The following TMEM39B variants were observed in gnomAD, a reference collection of about 807,000 sequenced individuals.
TMEM39B encodes the protein transmembrane protein 39B.
A neutral mutation model predicts 52.2 loss-of-function variants in TMEM39B; 23 were observed. That is an observed-to-expected ratio of 0.44 (90% CI 0.32 to 0.62). The LOEUF is 0.62. Among genes scored for constraint, TMEM39B ranks in the 20% least tolerant of loss-of-function variants. The probability of loss-of-function intolerance (pLI) is 0.06; values close to 1 mark genes in which losing one functional copy is unlikely to be tolerated. For synonymous variants in TMEM39B, 285 were observed against 264.0 expected (o/e 1.08, Z -0.77); for missense variants, 547 against 642.0 (o/e 0.85, Z 1.60).
intron 1 of TMEM39B, among the ~76,000 whole-genome samples, chr1:32,074,054 G>T (rs1639753035): frequency 6.6e-6 from 1 of 152,092 alleles, no homozygotes; most frequent in East Asian, 1.9e-4. Context: ...CAGTCAGGTT[G>T]TGACTTTTTT....
chr1:32,093,351 G>A lies in TMEM39B; in HGVS notation c.927+1340G>A, dbSNP rs569573777. Among the ~76,000 whole-genome samples, 579 of 145,342 alleles carry A rather than the reference G, an allele frequency of 4.0e-3. 2 individuals carry two copies. Among genetic ancestry groups the A allele is most frequent in the Admixed American group, 6.6e-3 (93 of 14,196 alleles). On this transcript the variant is annotated intron_variant, in intron 6 of 8. Coordinates refer to ENST00000336294, the MANE Select transcript of TMEM39B (RefSeq NM_018056.4). ...TGACCTCAGGTGATCCACCCACCTC[G>A]GCCTCCCAAAGTGCAGGAATTATAG...
intron 5 of TMEM39B, among the ~76,000 whole-genome samples, chr1:32,086,779 A>AG (rs1491302923): frequency 6.6e-6 from 1 of 151,206 alleles, no homozygotes; most frequent in African/African-American, 2.4e-5. Flanking sequence ...AAAAAAAAAA[A>AG]GAGAGAGAAA....
chr1:32,086,135 C>A (rs142391479), intron 5 of TMEM39B, among the ~76,000 whole-genome samples: 1 of 152,066 alleles, frequency 6.6e-6, no homozygotes, highest in Non-Finnish European at 1.5e-5. Context: ...AGAAAAGAAT[C>A]CTTCAGGGTG....
intron 5 of TMEM39B, among the ~76,000 whole-genome samples, chr1:32,085,002 T>G (rs1184032716): frequency 6.6e-6 from 1 of 152,230 alleles, no homozygotes; most frequent in African/African-American, 2.4e-5. Flanking sequence ...TATAGATGAC[T>G]TGTATTTTCC....
At chr1:32,084,704 G>T (rs541001852) in intron 5 of TMEM39B, among the ~76,000 whole-genome samples, 1 of 151,956 alleles carries the variant, frequency 6.6e-6, no homozygotes, top group South Asian at 2.1e-4. Context: ...TGAGTAGCTG[G>T]GATTACAGGC....
At chr1:32,100,163 C>T (rs1640964246) in intron 7 of TMEM39B, among the ~76,000 whole-genome samples, 1 of 152,058 alleles carries the variant, frequency 6.6e-6, no homozygotes, top group Non-Finnish European at 1.5e-5. Flanking sequence ...GAGGTGAGAC[C>T]AGATGAAGCA....
At position 32,083,986 on chromosome 1, in the gene TMEM39B, G is replaced by GACACACACACACAC. The variant is rs779224876; in HGVS notation, c.590+6675_590+6676insCACACACACACACA. Among the ~76,000 whole-genome samples, 779 of 151,516 alleles carry GACACACACACACAC rather than the reference G, an allele frequency of 5.1e-3. 4 individuals are homozygous for GACACACACACACAC. The highest frequency in any genetic ancestry group is 0.016 in the East Asian group (80 of 5,146). On this transcript the variant is annotated intron_variant, in intron 5 of 8. Coordinates refer to ENST00000336294, the MANE Select transcript of TMEM39B (RefSeq NM_018056.4). ...GGCAATAGAGCAAGACCCTGTTTCA[G>GACACACACACACAC]ACACACAGACACACACACACACACA...
At chr1:32,089,071 G>T (rs936810437) in intron 5 of TMEM39B, among the ~76,000 whole-genome samples, 1 of 151,828 alleles carries the variant, frequency 6.6e-6, no homozygotes, top group African/African-American at 2.4e-5. Flanking sequence ...GGAAACTGAG[G>T]CTCATAGAGG....
At chr1:32,073,830 G>A in intron 1 of TMEM39B, 1 of 985,420 alleles carries the variant, frequency 1.0e-6, no homozygotes, top group Non-Finnish European at 1.2e-6. Flanking sequence ...ATGCTACGGC[G>A]TGGGGTGTAT....
intron 5 of TMEM39B, among the ~76,000 whole-genome samples, chr1:32,079,305 C>T (rs1439354854): frequency 6.6e-6 from 1 of 151,980 alleles, no homozygotes; most frequent in Admixed American, 6.6e-5. Context: ...CTGCCTCAGC[C>T]TCCTGAGTAG....
At chr1:32,096,540 A>G (rs567318696) in intron 7 of TMEM39B, among the ~76,000 whole-genome samples, 128 of 142,868 alleles carry the variant, frequency 9.0e-4, no homozygotes, top group African/African-American at 3.3e-3. Flanking sequence ...GCTCATTGCA[A>G]TCTCCACCTC....
intron 5 of TMEM39B, chr1:32,087,099 C>G (rs1640381605): frequency 6.6e-6 from 1 of 151,954 alleles, no homozygotes; most frequent in Non-Finnish European, 1.5e-5. Flanking sequence ...CAGCAAGACC[C>G]TGTCTTAATT....
At chr1:32,081,376 G>A (rs187433857) in intron 5 of TMEM39B, among the ~76,000 whole-genome samples, 2,585 of 151,608 alleles carry the variant, frequency 0.017, 43 homozygotes, top group African/African-American at 0.031. Flanking sequence ...GGCTCAAGCC[G>A]TCCTCCCACT....
At position 32,094,762 on chromosome 1, in the gene TMEM39B, A is replaced by AC. The variant is rs774338399; in HGVS notation, c.928-19dup. On this transcript the variant is annotated intron_variant, in intron 6 of 8. Coordinates refer to ENST00000336294, the MANE Select transcript of TMEM39B (RefSeq NM_018056.4). ...GGCCATTATGGGGATCCCAGGCCTCACCCACCTTCTGCTACCCCCAGAACA... is the reference window on the plus strand; with the variant it reads ...GGCCATTATGGGGATCCCAGGCCTCACCCCACCTTCTGCTACCCCCAGAACA... 5.0e-6 allele frequency: 8 copies of AC among 1,613,402 alleles called. No individual in the cohort carries two copies. The Admixed American group carries it at 6.7e-5, about 13-fold the overall frequency.
intron 6 of TMEM39B, among the ~76,000 whole-genome samples, chr1:32,094,144 T>TTTTTTG (rs35316589): frequency 3.3e-5 from 4 of 122,544 alleles, no homozygotes; most frequent in Non-Finnish European, 3.3e-5. Context: ...TTTTTTTTTT[T>TTTTTTG]GAGGCGGAGT....
intron 5 of TMEM39B, chr1:32,087,891 AT>A (rs1265142931): frequency 1.3e-5 from 2 of 148,674 alleles, no homozygotes; most frequent in African/African-American, 5.0e-5. Flanking sequence ...CTCGTGATCC[AT>A]CCGCCTCAGC....
chr1:32,085,047 T>G (rs1205108075), intron 5 of TMEM39B, among the ~76,000 whole-genome samples: 1 of 152,206 alleles, frequency 6.6e-6, no homozygotes, highest in African/African-American at 2.4e-5. Context: ...CTGTTTATCT[T>G]TTGATTACTT....
chr1:32,075,857 TGTGTGTGC>T, intron 3 of TMEM39B, 35 bp downstream of exon 3: 12 of 1,271,140 alleles, frequency 9.4e-6, no homozygotes, highest in African/African-American at 1.5e-5. Context: ...TGTGTGTGTG[TGTGTGTGC>T]GTGTGTGTGT....
intron 5 of TMEM39B, among the ~76,000 whole-genome samples, chr1:32,086,476 A>G (rs898008118): frequency 1.3e-5 from 2 of 152,170 alleles, no homozygotes; most frequent in African/African-American, 4.8e-5. Flanking sequence ...ACACACAAAA[A>G]AGAAAGTAGG....
Sources: gnomAD v4.1 joint callset for allele counts (sites outside exome capture counted in the v4.1 genomes callset) on GRCh38, gnomAD v4.1.1 for gene constraint, MANE v1.5 for transcripts, NCBI Gene and HGNC (gene_info 2026-07-23, HGNC 2026-07-21) for gene names.